AP4S1: variants seen among roughly 807,000 people sequenced by gnomAD.
AP4S1 encodes adaptor related protein complex 4 subunit sigma 1, also known as AP-4 complex subunit sigma-1.
AP4S1 carries 23 observed loss-of-function variants against 19.8 expected under a neutral mutation model. That is an observed-to-expected ratio of 1.16 (90% CI 0.84 to 1.65). AP4S1 has a LOEUF of 1.65. Among genes scored for constraint, AP4S1 ranks in the 40% most tolerant of loss-of-function variants. The pLI, the probability that AP4S1 is intolerant of heterozygous loss-of-function variation, is 0.00. For synonymous variants in AP4S1, 46 were observed against 54.1 expected, an observed-to-expected ratio of 0.85 and a Z score of 0.66; for missense variants, 166 against 172.8, an observed-to-expected ratio of 0.96 and a Z score of 0.22.
At chr14:31,039,752 G>A (rs989916668) in intron 1 of AP4S1, among the ~76,000 whole-genome samples, 1 of 151,518 alleles carries the variant, frequency 6.6e-6, no homozygotes, top group Non-Finnish European at 1.5e-5. Context: ...CACCATGCCC[G>A]GCTAATTTTT....
At chr14:31,071,948 G>A (rs1291561585) in intron 3 of AP4S1, among the ~76,000 whole-genome samples, 1 of 150,154 alleles carries the variant, frequency 6.7e-6, no homozygotes, top group African/African-American at 2.5e-5. Context: ...TGGGGATGGA[G>A]TCTCGCTATG....
chr14:31,072,947 G>A lies in AP4S1; in HGVS notation c.268G>A (p.Val90Ile), dbSNP rs535501562. 27 of 1,613,904 alleles carry A rather than the reference G, an allele frequency of 1.7e-5. No individual in the cohort carries two copies. The highest frequency in any genetic ancestry group is 2.0e-5 in the Non-Finnish European group (24 of 1,179,858). Residue 90 changes from valine (V) to isoleucine (I), a missense_variant, in exon 4 of 6, where the codon GTT becomes ATT. Transcript: ENST00000542754. ...TGAATTCATTCATAACTTTGTGGAA[G>A]TTTTAGATGAGTATTTCAGCCGAGT... is the stretch of plus-strand genomic sequence containing the variant. ...IYEFIHNFVE[V>I]LDEYFSRVSE...
At position 31,072,299 on chromosome 14, in the gene AP4S1, C is replaced by T. The variant is rs1887056007; in HGVS notation, c.226-606C>T. Among the ~76,000 whole-genome samples, 7 of 152,100 alleles carry T rather than the reference C, an allele frequency of 4.6e-5. 1 individual carries two copies. In the South Asian group the frequency reaches 1.5e-3, roughly 32 times the overall value. ...TTATGTTGGTGAGGCTGGTCTTCAA[C>T]TCCTGGGCTCAAGTGATCCTCCCAC... On this transcript the variant is annotated intron_variant, in intron 3 of 5. Transcript: ENST00000542754.
chr14:31,084,976 C>G, intron 5 of AP4S1: 1 of 1,582,814 alleles, frequency 6.3e-7, no homozygotes, highest in Non-Finnish European at 8.6e-7. Context: ...CGTGAAGGTA[C>G]AGAAAACCTC....
intron 1 of AP4S1, among the ~76,000 whole-genome samples, chr14:31,049,206 G>A (rs1338486418): frequency 1.3e-5 from 2 of 151,592 alleles, no homozygotes; most frequent in Non-Finnish European, 2.9e-5. Flanking sequence ...GAGGTCAGGA[G>A]ATCGAGACCA....
chr14:31,035,676 C>T (rs1316645023), intron 1 of AP4S1, among the ~76,000 whole-genome samples: 1 of 151,006 alleles, frequency 6.6e-6, no homozygotes, highest in East Asian at 1.9e-4. Flanking sequence ...TATGACCCCC[C>T]TCATGGTCAT....
At chr14:31,087,205 T>G (rs1248296727) in intron 5 of AP4S1, among the ~76,000 whole-genome samples, 1 of 151,830 alleles carries the variant, frequency 6.6e-6, no homozygotes, top group East Asian at 1.9e-4. Context: ...AAACCTCACT[T>G]TTTAGATAAA....
Position 31,069,823 on chromosome 14 carries a change from T to C in AP4S1, c.139-20T>C, listed in dbSNP as rs1479458784. The C allele has an allele frequency of 7.0e-6, 11 of 1,569,512 alleles. No individual in the cohort carries two copies. Among genetic ancestry groups the C allele is most frequent in the Non-Finnish European group, 9.7e-6 (11 of 1,139,706 alleles). On this transcript the variant is annotated intron_variant, in intron 2 of 5. Transcript: ENST00000542754. The stretch of plus-strand genomic sequence containing the variant: ...TCTCTCTCAGCCACAGGAATTAATA[T>C]CTCATTGTGTTTTGTCTAGTGCTCT...
At chr14:31,074,177 T>C (rs1887217332) in intron 4 of AP4S1, among the ~76,000 whole-genome samples, 2 of 149,108 alleles carry the variant, frequency 1.3e-5, no homozygotes, top group South Asian at 4.3e-4. Flanking sequence ...ATACAAAAAA[T>C]TAGTTGGGCA....
chr14:31,049,707 A>G, intron 1 of AP4S1, among the ~76,000 whole-genome samples: 1 of 151,836 alleles, frequency 6.6e-6, no homozygotes, highest in Middle Eastern at 3.4e-3. Context: ...CCCAGGCTGG[A>G]GTACAGTGGC....
At chr14:31,049,265 T>G in intron 1 of AP4S1, among the ~76,000 whole-genome samples, 1 of 149,878 alleles carries the variant, frequency 6.7e-6, no homozygotes, top group East Asian at 2.0e-4. Context: ...ATACAAAAAA[T>G]TAGCCAGGCG....
chr14:31,052,113 A>G (rs570607186), intron 1 of AP4S1, among the ~76,000 whole-genome samples: 1 of 152,182 alleles, frequency 6.6e-6, no homozygotes, highest in Non-Finnish European at 1.5e-5. Flanking sequence ...TTTACAAAAA[A>G]TACAAAAATT....
intron 1 of AP4S1, among the ~76,000 whole-genome samples, chr14:31,032,308 A>G (rs776851894): frequency 1.4e-4 from 22 of 152,228 alleles, no homozygotes; most frequent in Admixed American, 3.3e-4. Flanking sequence ...CCGTATGCTT[A>G]TTCTATTTTG....
chr14:31,057,326 T>C (rs1886174959), intron 1 of AP4S1, among the ~76,000 whole-genome samples: 1 of 152,208 alleles, frequency 6.6e-6, no homozygotes, highest in Non-Finnish European at 1.5e-5. Context: ...CCTTTTGTTT[T>C]GAACCTGGAA....
intron 4 of AP4S1, among the ~76,000 whole-genome samples, chr14:31,077,376 A>G (rs1029949528): frequency 6.6e-6 from 1 of 152,254 alleles, no homozygotes; most frequent in Non-Finnish European, 1.5e-5. Flanking sequence ...AAACCCGGAA[A>G]GGGCAAAAGT....
intron 1 of AP4S1, among the ~76,000 whole-genome samples, chr14:31,063,671 A>C (rs1886562431): frequency 6.6e-6 from 1 of 152,200 alleles, no homozygotes; most frequent in African/African-American, 2.4e-5. Flanking sequence ...AGAACAGACT[A>C]AAGCAACATG....
At chr14:31,032,695 C>T (rs1164881173) in intron 1 of AP4S1, among the ~76,000 whole-genome samples, 2 of 152,032 alleles carry the variant, frequency 1.3e-5, no homozygotes, top group East Asian at 3.9e-4. Context: ...GCCACCATGA[C>T]CGGCTAATTT....
chr14:31,054,576 G>A (rs1258295120), intron 1 of AP4S1, among the ~76,000 whole-genome samples: 1 of 152,066 alleles, frequency 6.6e-6, no homozygotes, highest in Non-Finnish European at 1.5e-5. Flanking sequence ...CAGCTACTTG[G>A]GAGGCTGAGG....
At chr14:31,075,741 A>ATTT (rs199770029) in intron 4 of AP4S1, among the ~76,000 whole-genome samples, 25 of 143,108 alleles carry the variant, frequency 1.7e-4, no homozygotes, top group South Asian at 6.7e-4. Context: ...GGATATACCA[A>ATTT]TTTTTTTTTT....
Sources: gnomAD v4.1 joint callset for allele counts (sites outside exome capture counted in the v4.1 genomes callset) on GRCh38, gnomAD v4.1.1 for gene constraint, MANE v1.5 for transcripts, NCBI Gene and HGNC (gene_info 2026-07-23, HGNC 2026-07-21) for gene names.